Variants in FTCDNL1 observed in about 807,000 individuals in gnomAD.
FTCDNL1 encodes formiminotransferase cyclodeaminase N-terminal like.
A neutral mutation model predicts 5.9 loss-of-function variants in FTCDNL1; 11 were observed. That is an observed-to-expected ratio of 1.87 (90% CI 1.18 to 3.10). The LOEUF (loss-of-function observed/expected upper bound fraction) is 3.10. Among genes scored for constraint, FTCDNL1 ranks in the 30% most tolerant of loss-of-function variants. The probability of loss-of-function intolerance (pLI) is 0.00; values close to 1 mark genes in which losing one functional copy is unlikely to be tolerated. For missense variants in FTCDNL1, 115 were observed against 65.5 expected (o/e 1.76, Z -2.61); for synonymous variants, 58 against 24.8 (o/e 2.34, Z -3.99).
rs567249800 is a variant in FTCDNL1 at position 199,796,740 on chromosome 2, G to A, written c.212-35905C>T. 2.0e-5 allele frequency among the ~76,000 whole-genome samples: 3 copies of A among 151,882 alleles called. No homozygotes were observed. The South Asian group carries it at 6.2e-4, about 32-fold the overall frequency. ...ATATTACAAAATTTGCTCATGCAGTGGTTTCCTTTTGTTAAGTAGTATCCT... is the reference window on the plus strand; with the variant it reads ...ATATTACAAAATTTGCTCATGCAGTAGTTTCCTTTTGTTAAGTAGTATCCT... On this transcript the variant is annotated intron_variant, in intron 3 of 3. Transcript: ENST00000416668.
At chr2:199,728,495 A>T in the FTCDNL1 span, among the ~76,000 whole-genome samples, 2 of 151,972 alleles carry the variant, frequency 1.3e-5, no homozygotes, top group East Asian at 3.9e-4. Flanking sequence ...TGATCCGCCC[A>T]CCTCAGCCTC....
the FTCDNL1 span, among the ~76,000 whole-genome samples, chr2:199,732,396 T>C: frequency 1.3e-5 from 2 of 152,210 alleles, no homozygotes; most frequent in Non-Finnish European, 2.9e-5. Context: ...TATCAAGCAT[T>C]CATATGGGTG....
intron 3 of FTCDNL1, among the ~76,000 whole-genome samples, chr2:199,783,528 G>T (rs1699475802): frequency 6.6e-6 from 1 of 152,272 alleles, no homozygotes; most frequent in East Asian, 1.9e-4. Context: ...TTAGGTATTA[G>T]CACCATCTTC....
At chr2:199,765,556 A>ATAT in intron 3 of FTCDNL1, among the ~76,000 whole-genome samples, 15 of 42,666 alleles carry the variant, frequency 3.5e-4, no homozygotes, top group African/African-American at 9.6e-4. Context: ...ATATATATAT[A>ATAT]TTTTTTTTTT....
the FTCDNL1 span, among the ~76,000 whole-genome samples, chr2:199,735,454 A>G: frequency 1.3e-5 from 2 of 149,526 alleles, no homozygotes; most frequent in Non-Finnish European, 3.0e-5. Flanking sequence ...ACAATAGTGA[A>G]TATTACCCTG....
intron 3 of FTCDNL1, among the ~76,000 whole-genome samples, chr2:199,796,385 A>G (rs1288651938): frequency 6.6e-6 from 1 of 152,152 alleles, no homozygotes; most frequent in Non-Finnish European, 1.5e-5. Context: ...CACACATCCA[A>G]TGGACTTATC....
the FTCDNL1 span, among the ~76,000 whole-genome samples, chr2:199,730,007 T>C: frequency 6.6e-6 from 1 of 152,016 alleles, no homozygotes; most frequent in Non-Finnish European, 1.5e-5. Context: ...AACAGATATA[T>C]AGACCAATGG....
the FTCDNL1 span, among the ~76,000 whole-genome samples, chr2:199,684,032 T>C: frequency 6.6e-6 from 1 of 152,246 alleles, no homozygotes; most frequent in East Asian, 1.9e-4. Context: ...CTATGTGTGC[T>C]TAACAAATAC....
chr2:199,774,428 G>T (rs1176797954), intron 3 of FTCDNL1, among the ~76,000 whole-genome samples: 1 of 152,080 alleles, frequency 6.6e-6, no homozygotes, highest in Admixed American at 6.6e-5. Context: ...GACAGATTAT[G>T]TTGGAATTGA....
the FTCDNL1 span, among the ~76,000 whole-genome samples, chr2:199,693,596 A>G: frequency 1.3e-5 from 2 of 152,232 alleles, no homozygotes; most frequent in African/African-American, 4.8e-5. Flanking sequence ...TAAAAACATT[A>G]CAAGATTGGT....
chr2:199,846,161 T>C lies in FTCDNL1; in HGVS notation c.125A>G (p.His42Arg). 2 of 696,916 alleles carry C rather than the reference T, an allele frequency of 2.9e-6. No homozygotes were observed. Among genetic ancestry groups the C allele is most frequent in the South Asian group, 1.5e-5 (1 of 66,358 alleles). The allele number at this position is 696,916 out of a possible 1,614,324, so 43.2% of individuals were successfully genotyped here. A position where few individuals can be genotyped will look rare whatever the true frequency, so the allele number is the denominator to read the frequency against. The change falls in exon 3 of 5, where the codon CAT (histidine) becomes CGT (arginine). Residue 42 changes from histidine (H) to arginine (R), a missense_variant. Physicochemically the swap from His to Arg is conservative, Grantham distance 29 (BLOSUM62 0). Transcript: ENST00000420128. ...TATATTGAGCACTGAAACTTGAGGA[T>C]GTTTCTTTCCTGTAAAAAAAACAAG... is the stretch of plus-strand genomic sequence containing the variant. ...AALLDKNGKK[H>R]PQVSVLNIFS...
the FTCDNL1 span, among the ~76,000 whole-genome samples, chr2:199,707,403 A>C: frequency 6.6e-6 from 1 of 151,938 alleles, no homozygotes. Flanking sequence ...TAATCTTTAC[A>C]ATTTGTGTCT....
intron 3 of FTCDNL1, chr2:199,844,547 T>C (rs769034198): frequency 7.7e-6 from 4 of 517,776 alleles, no homozygotes; most frequent in Non-Finnish European, 1.4e-5. Context: ...AAATGCAAAA[T>C]TGTGAAAAAC....
chr2:199,699,461 AAAG>A, the FTCDNL1 span, among the ~76,000 whole-genome samples: 17 of 152,288 alleles, frequency 1.1e-4, no homozygotes, highest in Middle Eastern at 3.4e-3. Flanking sequence ...CTCAAAAAAA[AAAG>A]AAGAAGAAGA....
At chr2:199,759,933 C>T (rs182419029), downstream of FTCDNL1, among the ~76,000 whole-genome samples, 1 of 152,016 alleles carries the variant, frequency 6.6e-6, no homozygotes, top group South Asian at 2.1e-4. Flanking sequence ...GTGGACAGCT[C>T]GTAATTGTAT....
chr2:199,782,283 T>G (rs1699405532), intron 3 of FTCDNL1, among the ~76,000 whole-genome samples: 1 of 152,208 alleles, frequency 6.6e-6, no homozygotes, highest in Non-Finnish European at 1.5e-5. Flanking sequence ...CAAAATGGTA[T>G]TTTTAATCAA....
intron 3 of FTCDNL1, among the ~76,000 whole-genome samples, chr2:199,835,455 C>CA (rs1025633214): frequency 2.6e-5 from 4 of 152,066 alleles, no homozygotes; most frequent in African/African-American, 4.8e-5. Context: ...ACATTGTTGT[C>CA]ATTATTATTG....
the FTCDNL1 span, among the ~76,000 whole-genome samples, chr2:199,749,179 A>G: frequency 1.3e-5 from 2 of 152,180 alleles, no homozygotes; most frequent in South Asian, 4.1e-4. Context: ...CCTGGGGCAC[A>G]TACCTGGCCC....
At chr2:199,701,299 TAAAAAAAAAAAAAAAAAAA>T in the FTCDNL1 span, among the ~76,000 whole-genome samples, 5 of 72,384 alleles carry the variant, frequency 6.9e-5, no homozygotes, top group African/African-American at 1.8e-4. Context: ...CTTGAAAGTT[TAAAAAAAAAAAAAAAAAAA>T]AAAAAAAAAA....
Sources: allele counts gnomAD v4.1 joint callset (sites outside exome capture counted in the v4.1 genomes callset), GRCh38; gene constraint gnomAD v4.1.1; transcripts MANE v1.5; gene names NCBI Gene and HGNC (gene_info 2026-07-23, HGNC 2026-07-21).